The following MME variants were observed in gnomAD, a reference collection of about 807,000 sequenced individuals.
MME encodes neprilysin.
A neutral mutation model predicts 113.2 loss-of-function variants in MME; 98 were observed. The observed-to-expected ratio is 0.87, with a 90% confidence interval of 0.74 to 1.02. The LOEUF (loss-of-function observed/expected upper bound fraction) is 1.02, where lower values mean the gene tolerates loss of function less well. Ranked by LOEUF, MME falls within the 50% of genes least tolerant of loss-of-function variation. MME has a pLI of 0.00. For synonymous variants in MME, 292 were observed against 300.6 expected, an observed-to-expected ratio of 0.97 and a Z score of 0.30; for missense variants, 836 against 896.0, an observed-to-expected ratio of 0.93 and a Z score of 0.86.
At chr3:155,090,972 G>GA (rs1481437162) in intron 3 of MME, among the ~76,000 whole-genome samples, 1 of 152,164 alleles carries the variant, frequency 6.6e-6, no homozygotes, top group Non-Finnish European at 1.5e-5. Context: ...CTCCATGAAG[G>GA]AAAACAGCAC....
At chr3:155,140,520 G>A (rs567093260) in intron 10 of MME, among the ~76,000 whole-genome samples, 12 of 146,032 alleles carry the variant, frequency 8.2e-5, no homozygotes, top group South Asian at 2.2e-4. Flanking sequence ...AGGCTCAAGC[G>A]ATTCTCCTGC....
intron 8 of MME, among the ~76,000 whole-genome samples, chr3:155,136,191 T>G (rs9869317): frequency 0.025 from 3,838 of 152,106 alleles, 153 homozygotes; most frequent in African/African-American, 0.088. Context: ...TGAATAGGAG[T>G]GGGGAGAATG....
At chr3:155,164,032 T>C (rs1722903311) in intron 17 of MME, among the ~76,000 whole-genome samples, 1 of 151,464 alleles carries the variant, frequency 6.6e-6, no homozygotes, top group Non-Finnish European at 1.5e-5. Flanking sequence ...TGGTCTCAGC[T>C]ACTTGAGAGG....
chr3:155,071,943 T>C (rs1250840579), intron 1 of MME, among the ~76,000 whole-genome samples: 2 of 151,558 alleles, frequency 1.3e-5, no homozygotes, highest in Non-Finnish European at 2.9e-5. Context: ...GGGTGGATCA[T>C]GAGGTCAGGA....
At chr3:155,025,184 G>A (rs979532662) in intron 1 of MME, among the ~76,000 whole-genome samples, 1 of 152,164 alleles carries the variant, frequency 6.6e-6, no homozygotes, top group African/African-American at 2.4e-5. Context: ...CACCCAGGGT[G>A]CAGCCCAGCC....
chr3:155,154,700 TCTAA>T (rs1722187397), intron 16 of MME, among the ~76,000 whole-genome samples: 1 of 152,358 alleles, frequency 6.6e-6, no homozygotes, highest in Admixed American at 6.5e-5. Flanking sequence ...CAACCTTCTT[TCTAA>T]CTAAGTTCTG....
intron 1 of MME, among the ~76,000 whole-genome samples, chr3:155,048,367 T>G (rs1298239466): frequency 6.6e-6 from 1 of 152,210 alleles, no homozygotes; most frequent in African/African-American, 2.4e-5. Flanking sequence ...GTTTTTGCTC[T>G]CTTCTACAAT....
In MME at chr3:155,168,573, G is replaced by A. The variant is rs1358720141; in HGVS notation, c.1862G>A (p.Cys621Tyr). Residue 621 changes from cysteine to tyrosine, a missense_variant, in exon 19 of 23, where the codon TGC becomes TAC. Cys to Tyr is a radical substitution (Grantham distance 194, BLOSUM62 -2). Transcript: ENST00000360490. ...SASNFKEQSQ[C>Y]MVYQYGNFSW... Reference sequence around the variant, plus strand: ...AGTAACTTTAAGGAGCAATCCCAGTGCATGGTGTATCAGTATGGAAACTTT... The same window carrying A: ...AGTAACTTTAAGGAGCAATCCCAGTACATGGTGTATCAGTATGGAAACTTT... The A allele has an allele frequency of 3.1e-6, 5 of 1,613,796 alleles. No homozygotes were observed. The highest frequency in any genetic ancestry group is 4.2e-6 in the Non-Finnish European group (5 of 1,179,780).
At chr3:155,098,278 G>A (rs975582593) in intron 3 of MME, among the ~76,000 whole-genome samples, 1 of 152,094 alleles carries the variant, frequency 6.6e-6, no homozygotes, top group Non-Finnish European at 1.5e-5. Context: ...GTGGCTGGCT[G>A]GGCGCAGTGG....
intron 1 of MME, among the ~76,000 whole-genome samples, chr3:155,042,000 C>A (rs536599624): frequency 6.6e-6 from 1 of 152,096 alleles, no homozygotes. Flanking sequence ...TGAGATCGAA[C>A]TTTGTCATTT....
At chr3:155,040,107 A>C (rs988813721) in intron 1 of MME, among the ~76,000 whole-genome samples, 2 of 152,188 alleles carry the variant, frequency 1.3e-5, no homozygotes, top group African/African-American at 4.8e-5. Context: ...CAGCTGGATA[A>C]ATTCGTACAC....
chr3:155,178,907 C>T (rs1371118459), intron 22 of MME, among the ~76,000 whole-genome samples: 1 of 152,154 alleles, frequency 6.6e-6, no homozygotes, highest in Non-Finnish European at 1.5e-5. Flanking sequence ...GTTGAATCCA[C>T]AGATGTGGAA....
intron 1 of MME, among the ~76,000 whole-genome samples, chr3:155,026,272 T>A (rs963176495): frequency 6.6e-6 from 1 of 152,046 alleles, no homozygotes; most frequent in African/African-American, 2.4e-5. Flanking sequence ...CCTCACAACT[T>A]GTCAGTCAGG....
At chr3:155,052,602 C>T (rs1477237024) in intron 1 of MME, among the ~76,000 whole-genome samples, 2 of 152,212 alleles carry the variant, frequency 1.3e-5, no homozygotes, top group Non-Finnish European at 2.9e-5. Flanking sequence ...GGATGTGGGG[C>T]ACCACGTATT....
intron 1 of MME, among the ~76,000 whole-genome samples, chr3:155,057,254 AAAAC>A (rs1312463509): frequency 5.3e-5 from 8 of 152,178 alleles, no homozygotes; most frequent in Non-Finnish European, 7.3e-5. Context: ...TTACAAGAAA[AAAAC>A]AAACAGCCCC....
chr3:155,058,519 T>G (rs1263537852), intron 1 of MME, among the ~76,000 whole-genome samples: 1 of 152,188 alleles, frequency 6.6e-6, no homozygotes, highest in Non-Finnish European at 1.5e-5. Flanking sequence ...ACCATTCCCT[T>G]ATACTTTTTA....
chr3:155,081,326 A>G (rs1715125395), intron 1 of MME: 2 of 152,206 alleles, frequency 1.3e-5, no homozygotes, highest in Admixed American at 1.3e-4. Context: ...TGACTGTCTG[A>G]TATAGTAATG....
chr3:155,063,939 A>G (rs1714296312), intron 1 of MME, among the ~76,000 whole-genome samples: 1 of 151,620 alleles, frequency 6.6e-6, no homozygotes, highest in South Asian at 2.1e-4. Context: ...GAGGTAATCA[A>G]GGTTAAATGT....
intron 3 of MME, among the ~76,000 whole-genome samples, chr3:155,111,964 G>A (rs950163314): frequency 1.3e-5 from 2 of 152,122 alleles, no homozygotes; most frequent in South Asian, 2.1e-4. Context: ...AATCCTCTAT[G>A]TATTTAGGAT....
Sources: gnomAD v4.1 joint callset for allele counts (sites outside exome capture counted in the v4.1 genomes callset) on GRCh38, gnomAD v4.1.1 for gene constraint, MANE v1.5 for transcripts, NCBI Gene and HGNC (gene_info 2026-07-23, HGNC 2026-07-21) for gene names.